The following APP variants were observed in gnomAD, a reference collection of about 807,000 sequenced individuals.
The protein encoded by APP is amyloid beta precursor protein.
APP carries 31 observed loss-of-function variants against 101.4 expected under a neutral mutation model. That is an observed-to-expected ratio of 0.31 (90% CI 0.23 to 0.41). The LOEUF is 0.41. APP is among the 10% of genes least tolerant of loss of function. APP has a pLI of 1.00. For missense variants in APP, 839 were observed against 1,003.7 expected (o/e 0.84, Z 2.22); for synonymous variants, 366 against 364.4 (o/e 1.00, Z -0.05).
At chr21:26,164,390 G>A (rs926812350) in intron 1 of APP, among the ~76,000 whole-genome samples, 1 of 152,232 alleles carries the variant, frequency 6.6e-6, no homozygotes, top group African/African-American at 2.4e-5. Flanking sequence ...AAATTCTTTT[G>A]CTGGCATTTG....
intron 11 of APP, among the ~76,000 whole-genome samples, chr21:25,974,757 G>A (rs768070389): frequency 6.6e-6 from 1 of 152,082 alleles, no homozygotes; most frequent in Non-Finnish European, 1.5e-5. Context: ...GTTCGAACTT[G>A]AACTATGCCA....
chr21:26,022,633 T>C (rs2044393072), intron 5 of APP, among the ~76,000 whole-genome samples: 1 of 152,224 alleles, frequency 6.6e-6, no homozygotes, highest in Admixed American at 6.5e-5. Flanking sequence ...TTGAATTCTT[T>C]GTAAACCTAA....
chr21:26,056,071 C>G (rs1165941050), intron 3 of APP, among the ~76,000 whole-genome samples: 1 of 152,236 alleles, frequency 6.6e-6, no homozygotes, highest in Non-Finnish European at 1.5e-5. Context: ...AGGTCTCACT[C>G]TGTCACCCTG....
intron 3 of APP, among the ~76,000 whole-genome samples, chr21:26,077,297 T>G (rs554712197): frequency 6.6e-6 from 1 of 152,122 alleles, no homozygotes; most frequent in Non-Finnish European, 1.5e-5. Flanking sequence ...TTTTCCGCTG[T>G]AGGTCTTCCC....
intron 6 of APP, among the ~76,000 whole-genome samples, chr21:26,002,511 T>C (rs1311130991): frequency 6.6e-6 from 1 of 151,696 alleles, no homozygotes; most frequent in Non-Finnish European, 1.5e-5. Context: ...TACATATTCA[T>C]GTCACATGCT....
At chr21:25,957,460 A>T (rs1384390619) in intron 11 of APP, among the ~76,000 whole-genome samples, 3 of 152,212 alleles carry the variant, frequency 2.0e-5, no homozygotes, top group Non-Finnish European at 4.4e-5. Context: ...GATCTTGCAC[A>T]ACCACCCTCG....
chr21:25,976,405 T>C (rs1460790306), intron 9 of APP, among the ~76,000 whole-genome samples: 1 of 152,194 alleles, frequency 6.6e-6, no homozygotes, highest in Non-Finnish European at 1.5e-5. Context: ...TTTTACTCTC[T>C]TATGAAAGCA....
chr21:26,151,498 TA>T lies in APP; in HGVS notation c.57+19065del, dbSNP rs551069460. On this transcript the variant is annotated intron_variant, in intron 1 of 17. Transcript: ENST00000346798. ...CGTTCATTACCTTTTTTTTTTATGTTAAAGACCACCATGCGTAACACTACTT... is the reference window on the plus strand; with the variant it reads ...CGTTCATTACCTTTTTTTTTTATGTTAAGACCACCATGCGTAACACTACTT... Among the ~76,000 whole-genome samples, 22 of 152,266 alleles carry T rather than the reference TA, an allele frequency of 1.4e-4. No individual in the cohort carries two copies. In the East Asian group the frequency reaches 4.2e-3, roughly 29 times the overall value.
intron 8 of APP, among the ~76,000 whole-genome samples, chr21:25,990,973 G>A (rs933788378): frequency 1.3e-5 from 2 of 152,138 alleles, no homozygotes; most frequent in African/African-American, 2.4e-5. Context: ...TATATACCAC[G>A]GAATACTAGT....
chr21:26,076,322 T>C (rs965450155), intron 3 of APP, among the ~76,000 whole-genome samples: 1 of 152,132 alleles, frequency 6.6e-6, no homozygotes, highest in African/African-American at 2.4e-5. Flanking sequence ...TCTCCCTACC[T>C]CCTATGCTCA....
At chr21:25,894,014 C>T (rs2037866339) in intron 16 of APP, among the ~76,000 whole-genome samples, 1 of 152,184 alleles carries the variant, frequency 6.6e-6, no homozygotes, top group African/African-American at 2.4e-5. Flanking sequence ...TCCTAGGGCG[C>T]TTAAGAATTA....
intron 2 of APP, among the ~76,000 whole-genome samples, chr21:26,094,526 A>G (rs1037937904): frequency 1.3e-5 from 2 of 151,274 alleles, no homozygotes; most frequent in Non-Finnish European, 2.9e-5. Flanking sequence ...TCCAGAGAGG[A>G]AAAAAAGCCT....
In APP at chr21:26,052,409, T is replaced by G. The variant is rs2045873198; in HGVS notation, c.468+827A>C. ...ATCAAAATTGACTCAAGTGAAGCAC[T>G]ATGAGCTAGATAAAGGAGCCTAATT... On this transcript the variant is annotated intron_variant, in intron 4 of 17. Transcript: ENST00000346798. Among the ~76,000 whole-genome samples the G allele has an allele frequency of 2.0e-5, 3 of 152,326 alleles. No individual in the cohort carries two copies. The South Asian group carries it at 6.2e-4, about 32-fold the overall frequency.
chr21:26,025,525 T>C (rs939461421), intron 5 of APP, among the ~76,000 whole-genome samples: 1 of 152,238 alleles, frequency 6.6e-6, no homozygotes, highest in Non-Finnish European at 1.5e-5. Context: ...GGTGAAAACA[T>C]GACCCTGGGT....
At chr21:26,142,599 T>C (rs147884770) in intron 1 of APP, among the ~76,000 whole-genome samples, 2 of 151,960 alleles carry the variant, frequency 1.3e-5, no homozygotes, top group East Asian at 3.9e-4. Flanking sequence ...CAAGACCCCA[T>C]CTCTACAAAA....
At chr21:25,971,611 G>C (rs1318307740) in intron 11 of APP, among the ~76,000 whole-genome samples, 1 of 152,226 alleles carries the variant, frequency 6.6e-6, no homozygotes, top group Non-Finnish European at 1.5e-5. Context: ...GATGTGCAGA[G>C]TGATCCCTGA....
chr21:26,055,206 AC>A (rs2045992173), intron 3 of APP, among the ~76,000 whole-genome samples: 1 of 152,106 alleles, frequency 6.6e-6, no homozygotes, highest in Non-Finnish European at 1.5e-5. Context: ...CTGAGCACAC[AC>A]CCCATGCAGC....
In APP at chr21:26,089,937, G is replaced by T; in HGVS notation, c.355+6C>A. 1 of 1,613,898 alleles carries T rather than the reference G, an allele frequency of 6.2e-7. No individual in the cohort carries two copies. ...TCAACACCAGCCCCACGGCCGGCCG[G>T]CTCACCTAAGCAGCGGTAGGGAATC... is the stretch of plus-strand genomic sequence containing the variant. On this transcript the variant is annotated splice_donor_region_variant and intron_variant, in intron 3 of 17. Coordinates refer to ENST00000346798, the MANE Select transcript of APP (RefSeq NM_000484.4).
intron 11 of APP, among the ~76,000 whole-genome samples, chr21:25,969,929 A>AG (rs1568781989): frequency 7.4e-4 from 4 of 5,388 alleles, no homozygotes; most frequent in Non-Finnish European, 1.3e-3. Flanking sequence ...GAGAAAAGGA[A>AG]AGGAAAGGAA....
Sources: gnomAD v4.1 joint callset for allele counts (sites outside exome capture counted in the v4.1 genomes callset) on GRCh38, gnomAD v4.1.1 for gene constraint, MANE v1.5 for transcripts, NCBI Gene and HGNC (gene_info 2026-07-23, HGNC 2026-07-21) for gene names.